The following PADI6 variants were observed in gnomAD, a reference collection of about 807,000 sequenced individuals.
The protein encoded by PADI6 is inactive protein-arginine deiminase type-6.
Under a neutral mutation model 78.2 loss-of-function variants are expected in PADI6, and 66 were observed. The ratio of observed to expected loss-of-function variants is 0.84; its 90% CI spans 0.69 to 1.04. The LOEUF (loss-of-function observed/expected upper bound fraction) is 1.04, where lower values mean the gene tolerates loss of function less well. PADI6 is among the 50% of genes least tolerant of loss of function. PADI6 has a pLI of 0.00. For synonymous variants in PADI6, 397 were observed against 346.9 expected (o/e 1.14, Z -1.60); for missense variants, 854 against 866.1 (o/e 0.99, Z 0.18).
chr1:17,398,672 C>CCACCCACCCACG lies in PADI6; in HGVS notation c.1690-3_1690-2insGCACCCACCCAC, dbSNP rs755037581. On this transcript the variant is annotated splice_polypyrimidine_tract_variant and intron_variant, in intron 14 of 15. Coordinates refer to ENST00000619609, the MANE Select transcript of PADI6 (RefSeq NM_207421.4). ...CTCCCCCGCCCCCCCCCCCACCCAC[C>CCACCCACCCACG]CACCCACCCACAGAAGTGCATTCAC... The CCACCCACCCACG allele has an allele frequency of 3.5e-5, 10 of 284,822 alleles. No homozygotes were observed. Among genetic ancestry groups the CCACCCACCCACG allele is most frequent in the African/African-American group, 1.0e-4 (4 of 38,670 alleles). The allele number at this position is 284,822 out of a possible 1,614,324, so 17.6% of individuals were successfully genotyped here.
chr1:17,398,538 T>C, intron 14 of PADI6, 148 bp from the exon 15 acceptor site: 2 of 574,890 alleles, frequency 3.5e-6, no homozygotes, highest in Non-Finnish European at 6.2e-6. Flanking sequence ...TGGTATGAAG[T>C]GTGAGGCTCC....
Position 17,382,058 on chromosome 1 carries a change from A to G in PADI6, c.645A>G (p.Glu215=). Residue 215 remains glutamate, a synonymous_variant, in exon 6 of 16, where the codon GAA becomes GAG. Coordinates refer to ENST00000619609, the MANE Select transcript of PADI6 (RefSeq NM_207421.4). ...KYRLVLHTSK[E]ESKKARVYWP... ...GGCTAGTCCTCCATACCTCCAAGGA[A>G]GAGTCGAAGAAGGCGAGAGTCTACT... The G allele has an allele frequency of 6.2e-7, 1 of 1,613,990 alleles. No individual in the cohort carries two copies. Among genetic ancestry groups the G allele is most frequent in the Non-Finnish European group, 8.5e-7 (1 of 1,179,864 alleles).
intron 2 of PADI6, among the ~76,000 whole-genome samples, chr1:17,375,217 G>T (rs536100671): frequency 6.6e-6 from 1 of 152,286 alleles, no homozygotes; most frequent in African/African-American, 2.4e-5. Context: ...ACAAGGTTAG[G>T]GTTGGGGGTC....
chr1:17,401,098 G>T, intron 15 of PADI6, 107 bp from the exon 16 acceptor site: 1 of 968,864 alleles, frequency 1.0e-6, no homozygotes, highest in Non-Finnish European at 1.6e-6. Context: ...TGGAGGAGGC[G>T]GCTGCCTGCC....
intron 7 of PADI6, 65 bp downstream of exon 7, chr1:17,388,624 A>C (rs1002280450): frequency 3.3e-6 from 5 of 1,493,222 alleles, no homozygotes; most frequent in Non-Finnish European, 4.6e-6. Context: ...GCCATCTCCC[A>C]CAGTTGGGCA....
At chr1:17,376,429 AGCTGGGACTATAGGTACCC>A (rs1392998893) in intron 3 of PADI6, among the ~76,000 whole-genome samples, 1 of 151,564 alleles carries the variant, frequency 6.6e-6, no homozygotes, top group East Asian at 1.9e-4. Flanking sequence ...CCTCCCGAGT[AGCTGGGACTATAGGTACCC>A]GCCACCATGC....
Position 17,395,621 on chromosome 1 carries a change from C to CA in PADI6, c.1576_1577insA (p.Leu526HisfsTer4). On this transcript the variant is annotated frameshift_variant, in exon 13 of 16. Transcript: ENST00000619609. LOFTEE classifies it high-confidence loss of function. The stretch of plus-strand genomic sequence containing the variant: ...ACAGAAGGAAGGCTATGGCGACGCT[C>CA]TTCTGTTTGATGAGCTTAGAGCAGA... The CA allele has an allele frequency of 6.2e-7, 1 of 1,609,608 alleles. No individual in the cohort carries two copies. The highest frequency in any genetic ancestry group is 2.2e-5 in the East Asian group (1 of 44,800).
rs372507352 is a variant in PADI6 at position 17,373,186 on chromosome 1, G to T, written c.247G>T (p.Ala83Ser). ...IWWPLSDPTY[A>S]TVKMTSPSPS... ...GTGGCCCCTGTCTGATCCCACGTAC[G>T]CCACAGTGAAGATGACATCGCCCAG... The change falls in exon 2 of 16, where the codon GCC (alanine) becomes TCC (serine). Residue 83 changes from alanine to serine, a missense_variant. Ala to Ser is a moderately conservative substitution (Grantham distance 99). Transcript: ENST00000619609. 1 of 1,613,864 alleles carries T rather than the reference G, an allele frequency of 6.2e-7. No homozygotes were observed. The highest frequency in any genetic ancestry group is 1.3e-5 in the African/African-American group (1 of 74,916).
Position 17,384,238 on chromosome 1 carries a change from ACAAAAAGATACAG to A in PADI6, c.679+2152_679+2164del, listed in dbSNP as rs1220158377. Among the ~76,000 whole-genome samples the A allele has an allele frequency of 2.6e-5, 4 of 152,206 alleles. No homozygotes were observed. In the East Asian group the frequency reaches 7.7e-4, roughly 29 times the overall value. The stretch of plus-strand genomic sequence containing the variant: ...TCTGAAACATGCTAAAGCTTGAACC[ACAAAAAGATACAG>A]CAAAAGAGTCTGAAAAGTTTACAGA... On this transcript the variant is annotated intron_variant, in intron 6 of 15. Coordinates refer to ENST00000619609, the MANE Select transcript of PADI6 (RefSeq NM_207421.4).
intron 13 of PADI6, among the ~76,000 whole-genome samples, chr1:17,396,802 G>A (rs531210795): frequency 2.0e-5 from 3 of 152,258 alleles, no homozygotes; most frequent in Non-Finnish European, 4.4e-5. Context: ...GTGTCCCTCA[G>A]CCTGGCACAG....
intron 1 of PADI6, among the ~76,000 whole-genome samples, chr1:17,372,763 G>A (rs1162110605): frequency 6.6e-6 from 1 of 151,976 alleles, no homozygotes; most frequent in African/African-American, 2.4e-5. Flanking sequence ...TTTTCTTTAT[G>A]GGGATCCTTT....
intron 6 of PADI6, among the ~76,000 whole-genome samples, chr1:17,383,808 C>G (rs1440481783): frequency 6.6e-6 from 1 of 152,130 alleles, no homozygotes; most frequent in African/African-American, 2.4e-5. Flanking sequence ...CCACTGTACT[C>G]CAGCCTGAGT....
Position 17,398,754 on chromosome 1 carries a change from G to A in PADI6, c.1758G>A (p.Glu586=). 1 of 1,607,256 alleles carries A rather than the reference G, an allele frequency of 6.2e-7. No individual in the cohort carries two copies. Among genetic ancestry groups the A allele is most frequent in the Non-Finnish European group, 8.5e-7 (1 of 1,177,758 alleles). ...GCCTGGTGGAACAGGACATCATCGA[G>A]ATTCCCCAGCTGTTCTGCTTGGAGA... ...ELGLVEQDII[E]IPQLFCLEKL... is the part of the protein sequence containing the mutation. The change falls in exon 15 of 16, where the codon GAG becomes GAA. Residue 586 remains glutamate (E), a synonymous_variant. Transcript: ENST00000619609.
In PADI6 at chr1:17,395,641, A is replaced by G; in HGVS notation, c.1596A>G (p.Arg532=). Residue 532 remains arginine, a synonymous_variant, in exon 13 of 16, where the codon AGA becomes AGG. Transcript: ENST00000619609. ...YGDALLFDEL[R]ADQLLSNGRE... ...ACGCTCTTCTGTTTGATGAGCTTAG[A>G]GCAGATCAGCTCCTGTCTAATGGTA... 1.2e-6 allele frequency: 2 copies of G among 1,611,624 alleles called. No individual in the cohort carries two copies. The highest frequency in any genetic ancestry group is 1.7e-6 in the Non-Finnish European group (2 of 1,178,994).
intron 3 of PADI6, among the ~76,000 whole-genome samples, chr1:17,377,058 G>T (rs139826156): frequency 6.6e-6 from 1 of 151,982 alleles, no homozygotes; most frequent in Non-Finnish European, 1.5e-5. Flanking sequence ...TACAGACATA[G>T]GTATCCCTAT....
chr1:17,394,177 C>G (rs1203823200), intron 10 of PADI6, 95 bp downstream of exon 10: 1 of 1,518,108 alleles, frequency 6.6e-7, no homozygotes, highest in East Asian at 2.3e-5. Context: ...GGAGAGGGCC[C>G]AGGTGGCCTC....
intron 8 of PADI6, among the ~76,000 whole-genome samples, chr1:17,390,931 G>A (rs2075175883): frequency 6.6e-6 from 1 of 152,186 alleles, no homozygotes; most frequent in Admixed American, 6.5e-5. Flanking sequence ...TGACCTGCAA[G>A]ACTGAGCCGA....
chr1:17,397,259 C>CT lies in PADI6; in HGVS notation c.1689+119dup, dbSNP rs2075256471. The stretch of plus-strand genomic sequence containing the variant: ...GTGTTGGGCGGCGGGGGGCAGCTGC[C>CT]TGCCACCCTTTCTTCCAGGTCTTGA... On this transcript the variant is annotated intron_variant, in intron 14 of 15. Coordinates refer to ENST00000619609, the MANE Select transcript of PADI6 (RefSeq NM_207421.4). The CT allele has an allele frequency of 2.8e-6, 3 of 1,088,814 alleles. No homozygotes were observed. The South Asian group carries it at 4.3e-5, about 16-fold the overall frequency. 67.4% of individuals were successfully genotyped at this position (1,088,814 alleles called of 1,614,324 possible).
At position 17,372,784 on chromosome 1, in the gene PADI6, C is replaced by T. The variant is rs567861215; in HGVS notation, c.117-272C>T. On this transcript the variant is annotated intron_variant, in intron 1 of 15. Transcript: ENST00000619609. ...TTATGGGGATCCTTTGTGGCTCCCC[C>T]CTTCTTGGGAATTGGGTGCTTATTA... Among the ~76,000 whole-genome samples the T allele has an allele frequency of 2.6e-3, 393 of 152,230 alleles. 1 individual carries two copies. The highest frequency in any genetic ancestry group is 5.5e-3 in the Admixed American group (84 of 15,294).
Sources: allele counts gnomAD v4.1 joint callset (sites outside exome capture counted in the v4.1 genomes callset), GRCh38; gene constraint gnomAD v4.1.1; transcripts MANE v1.5; gene names NCBI Gene and HGNC (gene_info 2026-07-23, HGNC 2026-07-21).